SSBP3: variants seen among roughly 807,000 people sequenced by gnomAD.
SSBP3 encodes the protein single-stranded DNA-binding protein 3.
In SSBP3, 5 loss-of-function variants were observed where a neutral mutation model predicts 69.6. That is an observed-to-expected ratio of 0.07 (90% confidence interval 0.04 to 0.15). The LOEUF (loss-of-function observed/expected upper bound fraction) is 0.15. Ranked by LOEUF, SSBP3 falls within the 10% of genes least tolerant of loss-of-function variation. The pLI is 1.00. For synonymous variants in SSBP3, 196 were observed against 193.4 expected (o/e 1.01, Z -0.11); for missense variants, 312 against 534.0 (o/e 0.58, Z 4.10).
chr1:54,363,632 C>T (rs972016848), intron 4 of SSBP3, among the ~76,000 whole-genome samples: 1 of 152,138 alleles, frequency 6.6e-6, no homozygotes, highest in Non-Finnish European at 1.5e-5. Context: ...CCTGAAACCA[C>T]CCCCTGCACC....
chr1:54,274,854 C>T (rs1645255996), intron 5 of SSBP3, among the ~76,000 whole-genome samples: 2 of 152,148 alleles, frequency 1.3e-5, no homozygotes, highest in Non-Finnish European at 2.9e-5. Flanking sequence ...CCCCAGCCTG[C>T]AGTCCAGGCC....
chr1:54,400,323 T>C (rs754636342), intron 4 of SSBP3, among the ~76,000 whole-genome samples: 1 of 117,774 alleles, frequency 8.5e-6, no homozygotes, highest in Admixed American at 1.1e-4. Flanking sequence ...ACTATTTACA[T>C]AGCAGTCAAA....
chr1:54,398,200 T>C (rs937736054), intron 4 of SSBP3, among the ~76,000 whole-genome samples: 2 of 152,154 alleles, frequency 1.3e-5, no homozygotes, highest in African/African-American at 4.8e-5. Flanking sequence ...ATCTGTAAAA[T>C]GGGAGTGAGA....
At position 54,386,004 on chromosome 1, in the gene SSBP3, T is replaced by C. The variant is rs1189514815; in HGVS notation, c.276+15857A>G. On this transcript the variant is annotated intron_variant, in intron 4 of 17. Coordinates refer to ENST00000610401, the Ensembl canonical transcript of SSBP3. ...TCTGGATCACCCACAGCTTTAAATA[T>C]TGCATGTTGAAAGCTAAAGGCCATT... Among the ~76,000 whole-genome samples, 4 of 152,340 alleles carry C rather than the reference T, an allele frequency of 2.6e-5. No individual in the cohort carries two copies. In the East Asian group the frequency reaches 5.8e-4, roughly 22 times the overall value.
chr1:54,402,458 C>G (rs1236894560), intron 3 of SSBP3, among the ~76,000 whole-genome samples: 1 of 152,184 alleles, frequency 6.6e-6, no homozygotes, highest in East Asian at 1.9e-4. Flanking sequence ...TTGGAAGACT[C>G]TGGCAATAGG....
rs1173855230 is a variant in SSBP3, at chr1:54,285,396, A to C, written c.277-3869T>G. 2.6e-5 allele frequency: 4 copies of C among 152,170 alleles called. 1 individual carries two copies. The highest frequency in any genetic ancestry group is 2.6e-4 in the Admixed American group (4 of 15,254). The allele number at this position is 152,170 out of a possible 1,614,324, so 9.4% of individuals were successfully genotyped here. ...CCTGCACCAACCCTCCTGCAGCTCA[A>C]CGGCAGCAGGGGCTGTTTCTCCTGT... On this transcript the variant is annotated intron_variant, in intron 4 of 17. Transcript: ENST00000610401.
At chr1:54,375,558 G>C (rs1223003716) in intron 4 of SSBP3, among the ~76,000 whole-genome samples, 1 of 152,138 alleles carries the variant, frequency 6.6e-6, no homozygotes, top group Admixed American at 6.5e-5. Flanking sequence ...TGTGACTCCA[G>C]TGCTTCTTCA....
chr1:54,257,456 C>T (rs961105067), intron 6 of SSBP3, among the ~76,000 whole-genome samples: 2 of 152,018 alleles, frequency 1.3e-5, no homozygotes, highest in Non-Finnish European at 2.9e-5. Flanking sequence ...GCATAAGAAA[C>T]GAAAAACAGT....
At chr1:54,386,683 C>CCTTTTTTTTTTTTT (rs1648105405) in intron 4 of SSBP3, among the ~76,000 whole-genome samples, 26 of 76,098 alleles carry the variant, frequency 3.4e-4, no homozygotes, top group African/African-American at 1.4e-3. Context: ...ACTGATCCTA[C>CCTTTTTTTTTTTTT]TTTTTTTTTT....
chr1:54,399,226 C>T (rs1649117953), intron 4 of SSBP3, among the ~76,000 whole-genome samples: 1 of 152,242 alleles, frequency 6.6e-6, no homozygotes, highest in Non-Finnish European at 1.5e-5. Context: ...AAAGACAACC[C>T]TAAGTGAGAA....
intron 4 of SSBP3, among the ~76,000 whole-genome samples, chr1:54,359,128 C>T (rs906535616): frequency 3.4e-5 from 5 of 148,012 alleles, no homozygotes; most frequent in South Asian, 2.1e-4. Context: ...CTATTTTAAA[C>T]GTAAACCCAC....
At chr1:54,231,391 G>C (rs1412386608) in intron 14 of SSBP3, among the ~76,000 whole-genome samples, 1 of 152,190 alleles carries the variant, frequency 6.6e-6, no homozygotes, top group East Asian at 1.9e-4. Flanking sequence ...TTATTACTGA[G>C]TTTTTCTAAG....
At chr1:54,347,968 T>G (rs1421715022) in intron 4 of SSBP3, among the ~76,000 whole-genome samples, 1 of 152,172 alleles carries the variant, frequency 6.6e-6, no homozygotes, top group Non-Finnish European at 1.5e-5. Context: ...TGGAAATCAT[T>G]CACTCCAAGG....
At chr1:54,403,160 G>A (rs1013280655) in intron 3 of SSBP3, among the ~76,000 whole-genome samples, 2 of 152,094 alleles carry the variant, frequency 1.3e-5, no homozygotes, top group African/African-American at 2.4e-5. Context: ...AGCCACCACC[G>A]CCCGGGCCTA....
chr1:54,403,495 A>G (rs2100822601), intron 3 of SSBP3, among the ~76,000 whole-genome samples: 1 of 151,916 alleles, frequency 6.6e-6, no homozygotes, highest in Non-Finnish European at 1.5e-5. Flanking sequence ...CCTATCACCC[A>G]CTCCTACAGG....
intron 4 of SSBP3, among the ~76,000 whole-genome samples, chr1:54,307,988 C>T (rs955754016): frequency 3.3e-5 from 5 of 152,192 alleles, no homozygotes; most frequent in African/African-American, 1.2e-4. Context: ...GTACTGTGAA[C>T]TCGCCCTGAA....
At chr1:54,401,827 T>C (rs773290855) in intron 4 of SSBP3, 34 bp downstream of exon 4, 3 of 1,577,284 alleles carry the variant, frequency 1.9e-6, no homozygotes, top group Non-Finnish European at 2.6e-6. Flanking sequence ...TCCAACCCTA[T>C]AATTATTGCT....
intron 4 of SSBP3, among the ~76,000 whole-genome samples, chr1:54,301,125 G>A (rs1245760052): frequency 2.0e-5 from 3 of 152,236 alleles, no homozygotes; most frequent in African/African-American, 7.2e-5. Context: ...GGGAAAACTG[G>A]GGCTCAGAGA....
At chr1:54,291,702 G>A (rs1393151016) in intron 4 of SSBP3, among the ~76,000 whole-genome samples, 1 of 152,204 alleles carries the variant, frequency 6.6e-6, no homozygotes, top group Non-Finnish European at 1.5e-5. Context: ...ACTGCTGCCT[G>A]CTCAGAGGGT....
Sources: gnomAD v4.1 joint callset for allele counts (sites outside exome capture counted in the v4.1 genomes callset) on GRCh38, gnomAD v4.1.1 for gene constraint, MANE v1.5 for transcripts, NCBI Gene and HGNC (gene_info 2026-07-23, HGNC 2026-07-21) for gene names.